The following MDN1 variants were observed in gnomAD, a reference collection of about 807,000 sequenced individuals.
MDN1 encodes the protein midasin AAA ATPase 1.
MDN1 carries 266 observed loss-of-function variants against 669.2 expected under a neutral mutation model. The observed-to-expected ratio is 0.40, with a 90% CI of 0.36 to 0.44. The LOEUF is 0.44. MDN1 is among the 20% of genes least tolerant of loss of function. The pLI, the probability that MDN1 is intolerant of heterozygous loss-of-function variation, is 1.00. For synonymous variants in MDN1, 2,385 were observed against 2,457.1 expected (o/e 0.97, Z 0.87); for missense variants, 5,940 against 6,754.0 (o/e 0.88, Z 4.22).
chr6:89,781,451 C>T lies in MDN1; in HGVS notation c.1591G>A (p.Ala531Thr). 1.2e-6 allele frequency: 2 copies of T among 1,614,152 alleles called. No individual in the cohort carries two copies. Among genetic ancestry groups the T allele is most frequent in the Non-Finnish European group, 1.7e-6 (2 of 1,180,010 alleles). Residue 531 changes from alanine to threonine, a missense_variant, in exon 10 of 102, where the codon GCC becomes ACC. Coordinates refer to ENST00000369393, the MANE Select transcript of MDN1 (RefSeq NM_014611.3). The stretch of plus-strand genomic sequence containing the variant: ...GTTGGTCTTTTGTTTTCTCTTCTGG[C>T]TTCTGAAACTTCTTCAGGTGCCTGT... ...CEQAPEEVSE[A>T]RRENKRPTLE...
At chr6:89,802,666 T>C (rs896810733) in intron 2 of MDN1, among the ~76,000 whole-genome samples, 3 of 151,920 alleles carry the variant, frequency 2.0e-5, no homozygotes, top group Non-Finnish European at 4.4e-5. Context: ...TCTAGCCTGG[T>C]GATAGAGTGG....
intron 15 of MDN1, 126 bp downstream of exon 15, chr6:89,771,435 T>G (rs1818071398): frequency 1.3e-6 from 1 of 794,678 alleles, no homozygotes; most frequent in African/African-American, 1.8e-5. Context: ...AAGCCTTATC[T>G]GAGAAAACTC....
chr6:89,658,814 C>G lies in MDN1; in HGVS notation c.14817G>C (p.Gln4939His), dbSNP rs767072549. 8 of 1,614,090 alleles carry G rather than the reference C, an allele frequency of 5.0e-6. No individual in the cohort carries two copies. The African/African-American group carries it at 9.3e-5, about 19-fold the overall frequency. ...ETDQNESQSP[Q>H]EPEEGPSEDD... is the part of the protein sequence containing the mutation. ...CTTCACTGGGGCCTTCCTCAGGCTC[C>G]TGTGGACTCTGACTTTCGTTCTGGT... Residue 4939 changes from glutamine (Q) to histidine (H), a missense_variant, in exon 89 of 102, where the codon CAG becomes CAC. By Grantham distance (24) the Gln-to-His change is conservative. This residue lies in a region of MDN1 where 2,280 missense variants were observed against 2,576.3 expected (regional missense o/e 0.88). Coordinates refer to ENST00000369393, the MANE Select transcript of MDN1 (RefSeq NM_014611.3).
intron 40 of MDN1, among the ~76,000 whole-genome samples, chr6:89,720,701 T>C (rs1389094569): frequency 6.6e-6 from 1 of 152,238 alleles, no homozygotes; most frequent in African/African-American, 2.4e-5. Flanking sequence ...GAAATTAAAA[T>C]ACTAGCTGAT....
In MDN1 at chr6:89,690,735, C is replaced by A; in HGVS notation, c.10687G>T (p.Ala3563Ser). Residue 3563 changes from alanine (A) to serine (S), a missense_variant, in exon 64 of 102, where the codon GCC (alanine) becomes TCC (serine). Transcript: ENST00000369393. ...YRYRSRNSRT[A>S]LSEEEEEERE... ...TCTTCCTCCTCCTCTTCACTCAGGGCTGTCCTAGAGTTCCTGCTCCTGTAT... is the reference window on the plus strand; with the variant it reads ...TCTTCCTCCTCCTCTTCACTCAGGGATGTCCTAGAGTTCCTGCTCCTGTAT... 6.2e-7 allele frequency: 1 copy of A among 1,614,128 alleles called. No individual in the cohort carries two copies. The highest frequency in any genetic ancestry group is 8.5e-7 in the Non-Finnish European group (1 of 1,180,024).
chr6:89,718,274 A>G (rs918516706), intron 43 of MDN1, 92 bp downstream of exon 43: 46 of 1,354,668 alleles, frequency 3.4e-5, no homozygotes, highest in Non-Finnish European at 4.2e-5. Context: ...TAATTACTAA[A>G]TTAATACAAA....
At chr6:89,686,236 C>A (rs1811995663) in intron 69 of MDN1, among the ~76,000 whole-genome samples, 1 of 152,126 alleles carries the variant, frequency 6.6e-6, no homozygotes, top group African/African-American at 2.4e-5. Context: ...ACCAGCCTTG[C>A]CAACATGGTG....
In MDN1 at chr6:89,747,210, C is replaced by T. The variant is rs1334749445; in HGVS notation, c.3904+119G>A. The T allele has an allele frequency of 2.6e-6, 3 of 1,157,368 alleles. No individual in the cohort carries two copies. The East Asian group carries it at 7.4e-5, about 29-fold the overall frequency. The allele number at this position is 1,157,368 out of a possible 1,614,324, so 71.7% of individuals were successfully genotyped here. A position where few individuals can be genotyped will look rare whatever the true frequency, so the allele number is the denominator to read the frequency against. The stretch of plus-strand genomic sequence containing the variant: ...GCTGTTAGAACTGGAGGGAAACAGG[C>T]TCTCTGGAATACCTAGTCAAATGTA... On this transcript the variant is annotated intron_variant, in intron 27 of 101. Transcript: ENST00000369393.
intron 22 of MDN1, among the ~76,000 whole-genome samples, chr6:89,752,847 G>A (rs780832067): frequency 1.3e-5 from 2 of 152,056 alleles, no homozygotes; most frequent in African/African-American, 2.4e-5. Flanking sequence ...CTTATGGGCC[G>A]GGCACGGTGA....
chr6:89,674,427 G>T lies in MDN1; in HGVS notation c.12924C>A (p.Leu4308=), dbSNP rs772292883. ...QILLEQLSWL[L]QCCPSVGPAP... ...CTGGCCCTACACTGGGGCAGCACTG[G>T]AGGAGCCAGGAGAGCTGCTCAAGCA... Residue 4308 remains leucine, a synonymous_variant, in exon 79 of 102, where the codon CTC becomes CTA. Transcript: ENST00000369393. The T allele has an allele frequency of 5.6e-6, 9 of 1,614,130 alleles. No individual in the cohort carries two copies. The highest frequency in any genetic ancestry group is 6.8e-6 in the Non-Finnish European group (8 of 1,180,010).
chr6:89,754,748 GACTGAAACATGAAGGTCTTGC>G (rs1350986831), intron 20 of MDN1, among the ~76,000 whole-genome samples: 3 of 152,282 alleles, frequency 2.0e-5, no homozygotes, highest in Non-Finnish European at 4.4e-5. Context: ...AAAAGTTTCA[GACTGAAACATGAAGGTCTTGC>G]ACTTTGTGAA....
chr6:89,725,297 G>A lies in MDN1; in HGVS notation c.5572C>T (p.Gln1858Ter). 1 of 1,613,836 alleles carries A rather than the reference G, an allele frequency of 6.2e-7. No homozygotes were observed. The stretch of plus-strand genomic sequence containing the variant: ...CCAAAAATCTTCGTCTTTTCATGCT[G>A]CACTTGAAAGCTCATTCCTAACTCA... Reference protein sequence around the residue: ...VPELGMSFQVQHEKTKIFGCQ... With the variant: ...VPELGMSFQV Residue 1858 changes from glutamine to a stop codon, truncating the protein, a stop_gained, in exon 38 of 102, where the codon CAG becomes TAG. Coordinates refer to ENST00000369393, the MANE Select transcript of MDN1 (RefSeq NM_014611.3). LOFTEE classifies it high-confidence loss of function.
chr6:89,813,848 G>A (rs1416108570), intron 1 of MDN1, among the ~76,000 whole-genome samples: 1 of 151,868 alleles, frequency 6.6e-6, no homozygotes, highest in Non-Finnish European at 1.5e-5. Flanking sequence ...GGTGGCCAAG[G>A]TGGGAGGACT....
At chr6:89,672,759 T>C in intron 80 of MDN1, 57 bp from the exon 81 acceptor site, 1 of 1,558,556 alleles carries the variant, frequency 6.4e-7, no homozygotes, top group Admixed American at 1.8e-5. Context: ...AATCATTTGC[T>C]TTAGTGCCTC....
rs34446722 is a variant in MDN1, at chr6:89,746,593, CAAAA to C, written c.3904+732_3904+735del. ...TGGGCTACAGAGGGAGACTCTATCT[CAAAA>C]AAAAAAAAAAAAAAAAAGAAAGAAA... On this transcript the variant is annotated intron_variant, in intron 27 of 101. Transcript: ENST00000369393. 1.8e-3 allele frequency among the ~76,000 whole-genome samples: 116 copies of C among 65,558 alleles called. 1 individual carries two copies. Among genetic ancestry groups the C allele is most frequent in the Non-Finnish European group, 2.1e-3 (76 of 36,038 alleles). The allele number at this position is 65,558 out of a possible 152,430, so 43.0% of individuals were successfully genotyped here. A position where few individuals can be genotyped will look rare whatever the true frequency, so the allele number is the denominator to read the frequency against.
chr6:89,654,546 C>T (rs560970438), intron 92 of MDN1, among the ~76,000 whole-genome samples: 6 of 152,238 alleles, frequency 3.9e-5, no homozygotes, highest in Admixed American at 3.9e-4. Context: ...CTACCCCCTA[C>T]AGAAATTATG....
chr6:89,811,122 A>T (rs1768385968), intron 1 of MDN1, among the ~76,000 whole-genome samples: 1 of 152,208 alleles, frequency 6.6e-6, no homozygotes, highest in African/African-American at 2.4e-5. Context: ...TTTAACCCAC[A>T]ATATGGGTGG....
chr6:89,687,062 C>G (rs1191655555), intron 68 of MDN1, 39 bp from the exon 69 acceptor site: 2 of 1,603,254 alleles, frequency 1.2e-6, no homozygotes, highest in East Asian at 4.5e-5. Flanking sequence ...TTAGGAAAAC[C>G]TATTTGAAAT....
intron 18 of MDN1, among the ~76,000 whole-genome samples, 176 bp from the exon 19 acceptor site, chr6:89,758,527 C>T (rs1323164397): frequency 2.6e-5 from 4 of 152,116 alleles, no homozygotes; most frequent in Non-Finnish European, 4.4e-5. Flanking sequence ...CAGTCTTTTG[C>T]GGTATGTTTA....
Sources: gnomAD v4.1 joint callset for allele counts (sites outside exome capture counted in the v4.1 genomes callset) on GRCh38, gnomAD v4.1.1 for gene constraint, gnomAD v4.1.1 regional missense constraint, MANE v1.5 for transcripts, NCBI Gene and HGNC (gene_info 2026-07-23, HGNC 2026-07-21) for gene names.